The following SETD2 variants were observed in gnomAD, a reference collection of about 807,000 sequenced individuals.
The protein encoded by SETD2 is SET domain containing 2, histone lysine methyltransferase.
In SETD2, 31 loss-of-function variants were observed where a neutral mutation model predicts 242.1. The ratio of observed to expected loss-of-function variants is 0.13; its 90% CI spans 0.10 to 0.17. The LOEUF (loss-of-function observed/expected upper bound fraction) is 0.17, where lower values mean the gene tolerates loss of function less well. SETD2 is among the 10% of genes least tolerant of loss of function. The pLI, the probability that SETD2 is intolerant of heterozygous loss-of-function variation, is 1.00. For synonymous variants in SETD2, 1,006 were observed against 1,066.5 expected (o/e 0.94, Z 1.11); for missense variants, 2,481 against 3,046.3 (o/e 0.81, Z 4.37).
At chr3:47,064,732 A>G in intron 13 of SETD2, 1 of 200,774 alleles carries the variant, frequency 5.0e-6, no homozygotes, top group Admixed American at 5.8e-5. Flanking sequence ...TGACATTAAG[A>G]AATGGAAACC....
chr3:47,090,605 T>C (rs1338965733), intron 9 of SETD2, among the ~76,000 whole-genome samples: 1 of 152,084 alleles, frequency 6.6e-6, no homozygotes, highest in Non-Finnish European at 1.5e-5. Context: ...TTAGCCAGGA[T>C]GGTCTCGATC....
In SETD2 at chr3:47,120,831, T is replaced by C. The variant is rs2107746541; in HGVS notation, c.3805A>G (p.Thr1269Ala). The change falls in exon 3 of 21, where the codon ACC becomes GCC. Residue 1269 changes from threonine to alanine, a missense_variant. This residue lies in a region of SETD2 where 1,300 missense variants were observed against 1,259.2 expected (regional missense o/e 1.03). Transcript: ENST00000409792. ...CTACTGTCAGGTTGCTGATACGTGGTAGAAGGCTTTTCTTGAGAGAAGTCC... is the reference window on the plus strand; with the variant it reads ...CTACTGTCAGGTTGCTGATACGTGGCAGAAGGCTTTTCTTGAGAGAAGTCC... ...GWDFSQEKPS[T>A]TYQQPDSSYG... 1 of 1,614,226 alleles carries C rather than the reference T, an allele frequency of 6.2e-7. No individual in the cohort carries two copies. The highest frequency in any genetic ancestry group is 2.2e-5 in the East Asian group (1 of 44,890).
At chr3:47,154,778 G>A (rs1215002107) in intron 1 of SETD2, among the ~76,000 whole-genome samples, 2 of 152,118 alleles carry the variant, frequency 1.3e-5, no homozygotes, top group Non-Finnish European at 2.9e-5. Flanking sequence ...CGGATCACAA[G>A]GTCAGGAGAT....
At chr3:47,096,561 G>A (rs2042011800) in intron 9 of SETD2, among the ~76,000 whole-genome samples, 1 of 118,974 alleles carries the variant, frequency 8.4e-6, no homozygotes, top group Non-Finnish European at 1.6e-5. Flanking sequence ...AACAGAATGA[G>A]ATTTTGCCTC....
At chr3:47,120,118 A>G (rs2107738276) in intron 3 of SETD2, 64 bp downstream of exon 3, 1 of 1,301,084 alleles carries the variant, frequency 7.7e-7, no homozygotes, top group East Asian at 2.3e-5. Flanking sequence ...TGAATTGTTT[A>G]AAGGCTTTTT....
rs768944836 is a variant in SETD2, at chr3:47,121,468, C to T, written c.3168G>A (p.Ser1056=). The change falls in exon 3 of 21, where the codon TCG becomes TCA. Residue 1056 remains serine (S), a synonymous_variant. Transcript: ENST00000409792. ...NDESDSEDTD[S]DDSSIPRNRL... ...GGTTTCTTGGAATACTGCTATCATCCGAATCTGTATCTTCTGAATCACTTT... is the reference window on the plus strand; with the variant it reads ...GGTTTCTTGGAATACTGCTATCATCTGAATCTGTATCTTCTGAATCACTTT... 8 of 1,613,544 alleles carry T rather than the reference C, an allele frequency of 5.0e-6. No homozygotes were observed. In the Admixed American group the frequency reaches 1.2e-4, roughly 24 times the overall value.
chr3:47,058,027 G>A (rs557512922), intron 14 of SETD2, among the ~76,000 whole-genome samples: 1 of 152,036 alleles, frequency 6.6e-6, no homozygotes, highest in Non-Finnish European at 1.5e-5. Flanking sequence ...TATACAAAGA[G>A]AGCCTCTTAA....
At chr3:47,132,663 TC>T (rs869056812) in intron 1 of SETD2, among the ~76,000 whole-genome samples, 2 of 85,646 alleles carry the variant, frequency 2.3e-5, no homozygotes, top group South Asian at 6.9e-4. Context: ...CTACTGAATT[TC>T]GTAACTACAA....
chr3:47,132,521 G>C (rs564203718), intron 1 of SETD2, among the ~76,000 whole-genome samples: 1 of 152,224 alleles, frequency 6.6e-6, no homozygotes, highest in African/African-American at 2.4e-5. Flanking sequence ...CACTGTACAG[G>C]ACACTTAAGA....
intron 5 of SETD2, among the ~76,000 whole-genome samples, chr3:47,112,323 C>T (rs1408716934): frequency 1.3e-5 from 2 of 152,014 alleles, no homozygotes; most frequent in African/African-American, 4.8e-5. Context: ...CTCTTGTCAC[C>T]CAGGATGGAG....
At chr3:47,095,034 AC>A (rs1473389590) in intron 9 of SETD2, among the ~76,000 whole-genome samples, 1 of 152,196 alleles carries the variant, frequency 6.6e-6, no homozygotes, top group Non-Finnish European at 1.5e-5. Context: ...ATATAATGCC[AC>A]CTCTTAATCC....
chr3:47,150,568 G>A (rs1035750984), intron 1 of SETD2, among the ~76,000 whole-genome samples: 1 of 152,102 alleles, frequency 6.6e-6, no homozygotes, highest in African/African-American at 2.4e-5. Flanking sequence ...AGAAAAAAGT[G>A]GTCTAGCATA....
intron 9 of SETD2, among the ~76,000 whole-genome samples, chr3:47,096,571 C>CAAAA (rs759377907): frequency 6.3e-5 from 2 of 31,958 alleles, no homozygotes; most frequent in Non-Finnish European, 1.2e-4. Context: ...GATTTTGCCT[C>CAAAA]AAAAAAAAAA....
At chr3:47,019,147 A>C (rs924521377) in intron 19 of SETD2, among the ~76,000 whole-genome samples, 1 of 152,234 alleles carries the variant, frequency 6.6e-6, no homozygotes, top group East Asian at 1.9e-4. Context: ...CTGGTAGCAT[A>C]AAAAGGAGCA....
intron 12 of SETD2, among the ~76,000 whole-genome samples, chr3:47,074,449 C>A (rs2040961805): frequency 6.6e-6 from 1 of 152,118 alleles, no homozygotes; most frequent in Non-Finnish European, 1.5e-5. Context: ...GGCATAGTAC[C>A]AAAGACTCTT....
chr3:47,026,396 C>T (rs924099035), intron 18 of SETD2, among the ~76,000 whole-genome samples: 3 of 152,194 alleles, frequency 2.0e-5, no homozygotes, highest in Non-Finnish European at 4.4e-5. Flanking sequence ...GACAGTGCGG[C>T]AATTCCTCAA....
chr3:47,033,348 T>C (rs1012800029), intron 18 of SETD2, among the ~76,000 whole-genome samples: 11 of 152,224 alleles, frequency 7.2e-5, no homozygotes, highest in African/African-American at 2.7e-4. Flanking sequence ...GAGTTTCTTC[T>C]ATGCTCCCAG....
intron 5 of SETD2, among the ~76,000 whole-genome samples, chr3:47,109,383 C>A (rs1029358909): frequency 4.6e-5 from 7 of 152,134 alleles, no homozygotes; most frequent in Non-Finnish European, 7.3e-5. Context: ...TGGTGGCTCA[C>A]GCCTGTAATA....
chr3:47,043,645 G>A (rs1253263326), intron 16 of SETD2, among the ~76,000 whole-genome samples: 1 of 152,184 alleles, frequency 6.6e-6, no homozygotes, highest in East Asian at 1.9e-4. Context: ...CAGTTAAAGA[G>A]GAACCTGAAG....
Sources: allele counts gnomAD v4.1 joint callset (sites outside exome capture counted in the v4.1 genomes callset), GRCh38; gene constraint gnomAD v4.1.1; regional missense constraint gnomAD v4.1.1; transcripts MANE v1.5; gene names NCBI Gene and HGNC (gene_info 2026-07-23, HGNC 2026-07-21).